Variants in RTN1 observed in about 807,000 individuals in gnomAD.
RTN1 encodes the protein reticulon-1.
Under a neutral mutation model 65.5 loss-of-function variants are expected in RTN1, and 25 were observed. The ratio of observed to expected loss-of-function variants is 0.38; its 90% CI spans 0.28 to 0.53. The LOEUF (loss-of-function observed/expected upper bound fraction) is 0.53, where lower values mean the gene tolerates loss of function less well. RTN1 is among the 20% of genes least tolerant of loss of function. The probability of loss-of-function intolerance (pLI) is 0.79; values close to 1 mark genes in which losing one functional copy is unlikely to be tolerated. For missense variants in RTN1, 983 were observed against 1,025.4 expected (o/e 0.96, Z 0.57); for synonymous variants, 471 against 447.6 (o/e 1.05, Z -0.66).
chr14:59,720,248 AT>A (rs201794227), intron 3 of RTN1, among the ~76,000 whole-genome samples: 5 of 122,074 alleles, frequency 4.1e-5, no homozygotes, highest in African/African-American at 7.0e-5. Flanking sequence ...TGAAGCCACC[AT>A]TTTAAAAAAA....
At position 59,750,348 on chromosome 14, in the gene RTN1, A is replaced by C. The variant is rs1481161430; in HGVS notation, c.242-3867T>G. On this transcript the variant is annotated intron_variant, in intron 1 of 8. Coordinates refer to ENST00000267484, the MANE Select transcript of RTN1 (RefSeq NM_021136.3). ...ATATATAATATATTATATCTATAAT[A>C]TATATTATATCTATATATTATATCT... 1.1e-3 allele frequency among the ~76,000 whole-genome samples: 38 copies of C among 34,360 alleles called. 1 individual carries two copies. Among genetic ancestry groups the C allele is most frequent in the South Asian group, 1.5e-3 (2 of 1,306 alleles). The allele number at this position is 34,360 out of a possible 152,430, so 22.5% of individuals were successfully genotyped here.
rs1457499907 is a variant in RTN1, at chr14:59,794,321, A to G, written c.242-47840T>C. Among the ~76,000 whole-genome samples the G allele has an allele frequency of 1.3e-5, 2 of 152,214 alleles. No homozygotes were observed. The highest frequency in any genetic ancestry group is 2.9e-5 in the Non-Finnish European group (2 of 68,040). On this transcript the variant is annotated intron_variant, in intron 1 of 8. Coordinates refer to ENST00000267484, the MANE Select transcript of RTN1 (RefSeq NM_021136.3). This position sits in a 1 kb window ranked among gnomAD's most constrained non-coding sequence, Gnocchi z 5.1. ...CACGTCTAACCCAAGTATATTGTTA[A>G]CTTATAGAGGAAGGCAGATGGAAGG...
intron 1 of RTN1, among the ~76,000 whole-genome samples, chr14:59,842,820 G>A (rs535107788): frequency 1.2e-4 from 18 of 152,300 alleles, no homozygotes; most frequent in African/African-American, 3.8e-4. Flanking sequence ...TAGAATGTCT[G>A]AAATTAGAGT....
intron 2 of RTN1, among the ~76,000 whole-genome samples, chr14:59,739,147 CT>C (rs904969524): frequency 3.3e-5 from 5 of 151,446 alleles, no homozygotes; most frequent in African/African-American, 1.2e-4. Context: ...ACATGTACCC[CT>C]GAGCTTAAAA....
intron 1 of RTN1, among the ~76,000 whole-genome samples, chr14:59,852,795 T>C: frequency 6.6e-6 from 1 of 152,244 alleles, no homozygotes; most frequent in East Asian, 1.9e-4. Context: ...AGTATATTCT[T>C]GAAATTAATA....
At chr14:59,869,486 C>G (rs974437799) in intron 1 of RTN1, among the ~76,000 whole-genome samples, 1 of 150,138 alleles carries the variant, frequency 6.7e-6, no homozygotes, top group Non-Finnish European at 1.5e-5. Flanking sequence ...CCAGGATGCG[C>G]CAGGGGCCTG....
intron 1 of RTN1, among the ~76,000 whole-genome samples, chr14:59,817,457 T>C (rs1042209498): frequency 6.6e-6 from 1 of 152,162 alleles, no homozygotes; most frequent in Non-Finnish European, 1.5e-5. Context: ...CTGCAGTCCA[T>C]GATCCTGACA....
intron 3 of RTN1, among the ~76,000 whole-genome samples, chr14:59,612,573 G>A (rs955710661): frequency 2.6e-5 from 4 of 152,164 alleles, no homozygotes; most frequent in East Asian, 1.9e-4. Context: ...GTTCTGTAAC[G>A]GAGAGGGGGT....
intron 1 of RTN1, among the ~76,000 whole-genome samples, chr14:59,780,732 T>C (rs530030683): frequency 6.6e-6 from 1 of 152,210 alleles, no homozygotes; most frequent in Non-Finnish European, 1.5e-5. Flanking sequence ...AGGCTGTGGA[T>C]TGCCACAACA....
At chr14:59,664,931 C>T (rs1883334690) in intron 3 of RTN1, among the ~76,000 whole-genome samples, 1 of 152,130 alleles carries the variant, frequency 6.6e-6, no homozygotes, top group Non-Finnish European at 1.5e-5. Flanking sequence ...TGCAAAGTGG[C>T]TGTACAACTT....
At chr14:59,602,125 AT>A (rs1165839165) in intron 8 of RTN1, among the ~76,000 whole-genome samples, 1 of 152,276 alleles carries the variant, frequency 6.6e-6, no homozygotes, top group East Asian at 1.9e-4. Context: ...AGCACATCAC[AT>A]ATAATCTAAG....
At chr14:59,717,294 G>T (rs1231062159) in intron 3 of RTN1, among the ~76,000 whole-genome samples, 5 of 152,178 alleles carry the variant, frequency 3.3e-5, no homozygotes, top group Admixed American at 6.5e-5. Context: ...AAAATGAAGT[G>T]CCTGCCAGAA....
rs139874586 is a variant in RTN1, at chr14:59,607,314, C to A, written c.1944G>T (p.Val648=). The change falls in exon 4 of 9, where the codon GTG becomes GTT. Residue 648 remains valine (V), a synonymous_variant. Coordinates refer to ENST00000267484, the MANE Select transcript of RTN1 (RefSeq NM_021136.3). ...FRIYKSVLQA[V]QKTDEGHPFK... ...AAGGGTGGCCTTCGTCGGTTTTCTG[C>A]ACTGCTTGTAAAACAGACTTGTAGA... 8.1e-6 allele frequency: 13 copies of A among 1,614,140 alleles called. No homozygotes were observed. The highest frequency in any genetic ancestry group is 1.1e-5 in the Non-Finnish European group (13 of 1,180,018).
At chr14:59,822,295 C>T (rs566245212) in intron 1 of RTN1, among the ~76,000 whole-genome samples, 5 of 152,256 alleles carry the variant, frequency 3.3e-5, no homozygotes, top group African/African-American at 1.2e-4. Context: ...AGTTTGTGTA[C>T]ACAGAGGTGT....
intron 1 of RTN1, among the ~76,000 whole-genome samples, chr14:59,749,759 A>C (rs1338656035): frequency 1.0e-5 from 1 of 96,750 alleles, no homozygotes; most frequent in African/African-American, 4.9e-5. Flanking sequence ...ATGTATATTT[A>C]TATATCTATA....
At position 59,745,975 on chromosome 14, in the gene RTN1, T is replaced by C. The variant is rs747482575; in HGVS notation, c.748A>G (p.Ile250Val). Residue 250 changes from isoleucine (I) to valine (V), a missense_variant, in exon 2 of 9, where the codon ATC becomes GTC. This residue lies in a region of RTN1 where 818 missense variants were observed against 801.8 expected (regional missense o/e 1.02). Transcript: ENST00000267484. Reference sequence around the variant, plus strand: ...GATTCTTCCAATAAATGGTCCTTGATGATTTTTCCCTCCACAGGAGCTGGT... The same window carrying C: ...GATTCTTCCAATAAATGGTCCTTGACGATTTTTCCCTCCACAGGAGCTGGT... ...DKPAPVEGKI[I>V]KDHLLEESTF... 1 of 1,614,060 alleles carries C rather than the reference T, an allele frequency of 6.2e-7. No homozygotes were observed. The highest frequency in any genetic ancestry group is 1.3e-5 in the African/African-American group (1 of 74,920).
intron 3 of RTN1, among the ~76,000 whole-genome samples, chr14:59,613,540 CA>C (rs1460836669): frequency 6.6e-6 from 1 of 152,148 alleles, no homozygotes; most frequent in Admixed American, 6.5e-5. Flanking sequence ...TCCTGTGATC[CA>C]CCTGCCTCGG....
intron 3 of RTN1, among the ~76,000 whole-genome samples, chr14:59,642,223 C>T (rs1286450069): frequency 2.6e-5 from 4 of 152,058 alleles, no homozygotes; most frequent in Non-Finnish European, 5.9e-5. Context: ...CTTTTTGTTG[C>T]TTCTTAGAAA....
At chr14:59,848,337 C>A (rs1057178866) in intron 1 of RTN1, among the ~76,000 whole-genome samples, 1 of 152,184 alleles carries the variant, frequency 6.6e-6, no homozygotes, top group Admixed American at 6.5e-5. Context: ...TATATAAATT[C>A]TCAAGATAAT....
Sources: allele counts gnomAD v4.1 joint callset (sites outside exome capture counted in the v4.1 genomes callset), GRCh38; gene constraint gnomAD v4.1.1; regional missense constraint gnomAD v4.1.1; non-coding constraint Gnocchi (gnomAD v3.1); transcripts MANE v1.5; gene names NCBI Gene and HGNC (gene_info 2026-07-23, HGNC 2026-07-21).